The following SH3PXD2A variants were observed in gnomAD, a reference collection of about 807,000 sequenced individuals.
The protein encoded by SH3PXD2A is SH3 and PX domain-containing protein 2A.
In SH3PXD2A, 32 loss-of-function variants were observed where a neutral mutation model predicts 115.2. The ratio of observed to expected loss-of-function variants is 0.28; its 90% CI spans 0.21 to 0.37. SH3PXD2A has a LOEUF of 0.37. Ranked by LOEUF, SH3PXD2A falls within the 10% of genes least tolerant of loss-of-function variation. SH3PXD2A has a pLI of 1.00. For missense variants in SH3PXD2A, 1,328 were observed against 1,498.7 expected (o/e 0.89, Z 1.88); for synonymous variants, 610 against 629.1 (o/e 0.97, Z 0.45).
intron 1 of SH3PXD2A, among the ~76,000 whole-genome samples, chr10:103,840,974 T>C (rs1362036283): frequency 1.3e-5 from 2 of 152,234 alleles, no homozygotes; most frequent in African/African-American, 2.4e-5. Flanking sequence ...TTGTCAGGGA[T>C]ACAAATCTAC....
At chr10:103,633,243 C>A (rs1052078224) in intron 8 of SH3PXD2A, among the ~76,000 whole-genome samples, 1 of 151,544 alleles carries the variant, frequency 6.6e-6, no homozygotes, top group African/African-American at 2.4e-5. Context: ...CAGTGAAACC[C>A]TGTCTCTACT....
intron 2 of SH3PXD2A, among the ~76,000 whole-genome samples, chr10:103,788,820 T>C (rs1468511509): frequency 2.0e-5 from 3 of 152,106 alleles, no homozygotes; most frequent in Non-Finnish European, 2.9e-5. Context: ...AGGCGGAGCT[T>C]GCAGTGAGCT....
At chr10:103,819,531 G>A (rs2039356610) in intron 1 of SH3PXD2A, among the ~76,000 whole-genome samples, 1 of 152,118 alleles carries the variant, frequency 6.6e-6, no homozygotes, top group Admixed American at 6.5e-5. Flanking sequence ...GGTAAACTGA[G>A]TCCCAGCTCT....
In SH3PXD2A at chr10:103,689,342, C is replaced by T. The variant is rs537158889; in HGVS notation, c.427+3686G>A. ...TGGGGAGACAGTTGGTTCTGCAGCTCGAGTTGGCAGGTAAAAGACAAGAGT... is the reference window on the plus strand; with the variant it reads ...TGGGGAGACAGTTGGTTCTGCAGCTTGAGTTGGCAGGTAAAAGACAAGAGT... On this transcript the variant is annotated intron_variant, in intron 6 of 14. Transcript: ENST00000369774. Among the ~76,000 whole-genome samples the T allele has an allele frequency of 9.2e-5, 14 of 152,176 alleles. No individual in the cohort carries two copies. In the East Asian group the frequency reaches 1.9e-3, roughly 21 times the overall value.
chr10:103,758,541 C>A (rs2038666900), intron 3 of SH3PXD2A, among the ~76,000 whole-genome samples: 1 of 152,238 alleles, frequency 6.6e-6, no homozygotes, highest in African/African-American at 2.4e-5. Flanking sequence ...TGTTCTCAGT[C>A]ATATCACCAG....
intron 3 of SH3PXD2A, among the ~76,000 whole-genome samples, chr10:103,760,435 T>C (rs1304510457): frequency 6.6e-6 from 1 of 152,010 alleles, no homozygotes; most frequent in African/African-American, 2.4e-5. Context: ...CCAGGCATGG[T>C]GGCACGCAAC....
intron 5 of SH3PXD2A, among the ~76,000 whole-genome samples, chr10:103,710,094 CA>C (rs143663780): frequency 2.4e-3 from 300 of 122,720 alleles, no homozygotes; most frequent in Non-Finnish European, 2.3e-3. Flanking sequence ...GACTCCATCT[CA>C]AAAAAAAAAA....
At chr10:103,820,745 G>A (rs866425031) in intron 1 of SH3PXD2A, among the ~76,000 whole-genome samples, 11 of 152,138 alleles carry the variant, frequency 7.2e-5, no homozygotes, top group Admixed American at 1.3e-4. Context: ...GGGGGGTTGG[G>A]CGCCCCTCCC....
chr10:103,630,951 C>A (rs2036770892), intron 8 of SH3PXD2A, among the ~76,000 whole-genome samples: 1 of 152,200 alleles, frequency 6.6e-6, no homozygotes, highest in South Asian at 2.1e-4. Flanking sequence ...TTCCGAGACC[C>A]CCAGTGGATG....
At chr10:103,661,751 A>G (rs1312047009) in intron 7 of SH3PXD2A, 38 of 985,092 alleles carry the variant, frequency 3.9e-5, no homozygotes, top group East Asian at 1.1e-4. Flanking sequence ...GAGGCCGCCA[A>G]TCACTGGGGT....
chr10:103,757,972 G>A (rs542195949), intron 3 of SH3PXD2A, among the ~76,000 whole-genome samples: 4 of 152,304 alleles, frequency 2.6e-5, no homozygotes, highest in South Asian at 2.1e-4. Flanking sequence ...AAGCCACCAC[G>A]AGCACAGACA....
At chr10:103,803,380 A>G (rs762112438) in intron 1 of SH3PXD2A, among the ~76,000 whole-genome samples, 1 of 152,248 alleles carries the variant, frequency 6.6e-6, no homozygotes, top group Non-Finnish European at 1.5e-5. Flanking sequence ...CACATGATAC[A>G]TTGTAAAACC....
At chr10:103,638,194 C>A (rs1424818711) in intron 8 of SH3PXD2A, among the ~76,000 whole-genome samples, 1 of 152,214 alleles carries the variant, frequency 6.6e-6, no homozygotes, top group Admixed American at 6.5e-5. Flanking sequence ...CCTTCCCTCC[C>A]CTAGACGGGC....
In SH3PXD2A at chr10:103,792,025, C is replaced by T. The variant is rs891785155; in HGVS notation, c.153+9257G>A. Among the ~76,000 whole-genome samples, 4 of 152,076 alleles carry T rather than the reference C, an allele frequency of 2.6e-5. No homozygotes were observed. In the East Asian group the frequency reaches 7.7e-4, roughly 29 times the overall value. Reference sequence around the variant, plus strand: ...GCAGGAGGAAGCTGGAGTTCATACTCAGGCCACAGGCACAAGTTGAAAGGG... The same window carrying T: ...GCAGGAGGAAGCTGGAGTTCATACTTAGGCCACAGGCACAAGTTGAAAGGG... On this transcript the variant is annotated intron_variant, in intron 2 of 14. Coordinates refer to ENST00000369774, the MANE Select transcript of SH3PXD2A (RefSeq NM_001394015.1).
chr10:103,681,958 G>A (rs536734480), intron 6 of SH3PXD2A, among the ~76,000 whole-genome samples: 159 of 152,316 alleles, frequency 1.0e-3, no homozygotes, highest in Non-Finnish European at 2.1e-3. Context: ...CTCCAGACAC[G>A]CTGATTCAGT....
intron 13 of SH3PXD2A, among the ~76,000 whole-genome samples, chr10:103,608,444 A>AAG (rs1286383125): frequency 1.1e-4 from 16 of 150,516 alleles, no homozygotes; most frequent in Admixed American, 7.9e-4. Flanking sequence ...AAAAAAAAAA[A>AAG]AAAAAAGAAA....
chr10:103,771,478 G>A (rs984780286), intron 2 of SH3PXD2A, among the ~76,000 whole-genome samples: 11 of 152,176 alleles, frequency 7.2e-5, no homozygotes, highest in African/African-American at 2.7e-4. Context: ...ATGGCCAGGC[G>A]CAGTAGCTCA....
intron 6 of SH3PXD2A, among the ~76,000 whole-genome samples, chr10:103,687,886 C>G (rs2037699430): frequency 6.6e-6 from 1 of 152,190 alleles, no homozygotes; most frequent in Non-Finnish European, 1.5e-5. Flanking sequence ...GCATCATGAG[C>G]AGCCAGCACA....
chr10:103,755,625 C>T (rs141404372), intron 3 of SH3PXD2A, among the ~76,000 whole-genome samples: 1 of 152,198 alleles, frequency 6.6e-6, no homozygotes, highest in East Asian at 1.9e-4. Flanking sequence ...TGTGGAAGTA[C>T]GATAGCTACC....
Sources: gnomAD v4.1 joint callset for allele counts (sites outside exome capture counted in the v4.1 genomes callset) on GRCh38, gnomAD v4.1.1 for gene constraint, MANE v1.5 for transcripts, NCBI Gene and HGNC (gene_info 2026-07-23, HGNC 2026-07-21) for gene names.